The following SEPTIN7 variants were observed in gnomAD, a reference collection of about 807,000 sequenced individuals.
SEPTIN7 encodes the protein septin 7, also known as septin-7.
A neutral mutation model predicts 63.3 loss-of-function variants in SEPTIN7; 10 were observed. That is an observed-to-expected ratio of 0.16 (90% CI 0.10 to 0.27). The LOEUF (loss-of-function observed/expected upper bound fraction) is 0.27. Ranked by LOEUF, SEPTIN7 falls within the 10% of genes least tolerant of loss-of-function variation. The pLI, the probability that SEPTIN7 is intolerant of heterozygous loss-of-function variation, is 1.00. For missense variants in SEPTIN7, 310 were observed against 521.0 expected (o/e 0.59, Z 3.94); for synonymous variants, 131 against 165.3 (o/e 0.79, Z 1.59).
chr7:35,908,976 T>C (rs916095708), downstream of SEPTIN7, among the ~76,000 whole-genome samples: 1 of 152,232 alleles, frequency 6.6e-6, no homozygotes, highest in Non-Finnish European at 1.5e-5. Flanking sequence ...GTTCCCTGTG[T>C]CTTGGATAAG....
intron 1 of SEPTIN7, among the ~76,000 whole-genome samples, chr7:35,808,162 T>G (rs1219928243): frequency 6.6e-6 from 1 of 152,084 alleles, no homozygotes; most frequent in Non-Finnish European, 1.5e-5. Flanking sequence ...TATAATCACT[T>G]GGTTCAAAAT....
chr7:35,816,906 A>T (rs1403415113), intron 1 of SEPTIN7, among the ~76,000 whole-genome samples: 1 of 152,110 alleles, frequency 6.6e-6, no homozygotes, highest in African/African-American at 2.4e-5. Flanking sequence ...GTTTTTAATG[A>T]AGTTGTCTTA....
At position 35,885,859 on chromosome 7, in the gene SEPTIN7, C is replaced by T; in HGVS notation, c.852C>T (p.Ile284=). 2 of 1,604,328 alleles carry T rather than the reference C, an allele frequency of 1.2e-6. No individual in the cohort carries two copies. Among genetic ancestry groups the T allele is most frequent in the Non-Finnish European group, 1.7e-6 (2 of 1,173,082 alleles). The change falls in exon 10 of 14, where the codon ATC becomes ATT. Residue 284 remains isoleucine, a synonymous_variant. Coordinates refer to ENST00000350320, the MANE Select transcript of SEPTIN7 (RefSeq NM_001788.6). Reference sequence around the variant, plus strand: ...ATGGTGAACATTGTGATTTTACAATCCTAAGAAATATGTTGATAAGGTAAG... The same window carrying T: ...ATGGTGAACATTGTGATTTTACAATTCTAAGAAATATGTTGATAAGGTAAG... The part of the protein sequence containing the change: ...VENGEHCDFT[I]LRNMLIRTHM...
intron 1 of SEPTIN7, among the ~76,000 whole-genome samples, chr7:35,821,651 A>C (rs1391232167): frequency 6.6e-6 from 1 of 152,240 alleles, no homozygotes; most frequent in Admixed American, 6.5e-5. Context: ...TAAAAACTTC[A>C]GTTTTTGGTC....
intron 4 of SEPTIN7, among the ~76,000 whole-genome samples, chr7:35,866,860 G>C (rs1742832383): frequency 6.6e-6 from 1 of 152,172 alleles, no homozygotes; most frequent in South Asian, 2.1e-4. Context: ...AAACTTGAGC[G>C]CACATCACAA....
chr7:35,881,105 T>C (rs941521035), intron 7 of SEPTIN7, among the ~76,000 whole-genome samples: 7 of 152,114 alleles, frequency 4.6e-5, no homozygotes, highest in Non-Finnish European at 8.8e-5. Context: ...CCTTGAAACC[T>C]GTTATAAAAA....
intron 10 of SEPTIN7, among the ~76,000 whole-genome samples, chr7:35,887,852 C>T (rs1207612774): frequency 3.3e-5 from 5 of 152,114 alleles, no homozygotes; most frequent in African/African-American, 1.2e-4. Flanking sequence ...AAGACAAAGC[C>T]ATCTAGTGGA....
At chr7:35,882,323 C>T (rs191015474) in intron 7 of SEPTIN7, among the ~76,000 whole-genome samples, 161 bp from the exon 8 acceptor site, 5 of 150,104 alleles carry the variant, frequency 3.3e-5, no homozygotes, top group East Asian at 1.9e-4. Flanking sequence ...AAAAGACTAG[C>T]GTAGTACTTT....
rs1464582725 is a variant in SEPTIN7, at chr7:35,906,719, TA to T, written c.*2428del. ...GTTTATTTCTGTGTAGCTCAGGCTG[TA>T]ATCTTGAAAGCTGAGGAGATACCCA... On this transcript the variant is annotated 3_prime_UTR_variant, in exon 14 of 14. Transcript: ENST00000350320. 1 of 152,242 alleles carries T rather than the reference TA, an allele frequency of 6.6e-6. No homozygotes were observed. Among genetic ancestry groups the T allele is most frequent in the African/African-American group, 2.4e-5 (1 of 41,462 alleles). 9.4% of individuals were successfully genotyped at this position (152,242 alleles called of 1,614,324 possible). A position where few individuals can be genotyped will look rare whatever the true frequency, so the allele number is the denominator to read the frequency against.
At chr7:35,867,680 T>G (rs1348852348) in intron 4 of SEPTIN7, among the ~76,000 whole-genome samples, 5 of 152,218 alleles carry the variant, frequency 3.3e-5, no homozygotes, top group Non-Finnish European at 7.3e-5. Context: ...TCATACTTCA[T>G]GTCACTGAAA....
rs1787072615 is a variant in SEPTIN7, at chr7:35,884,080, T to G, written c.820+93T>G. Reference sequence around the variant, plus strand: ...TAAGTAGTACAGTATGCACACTGTATTGATATAGTCTAGATTTTCAAGGAT... The same window carrying G: ...TAAGTAGTACAGTATGCACACTGTAGTGATATAGTCTAGATTTTCAAGGAT... On this transcript the variant is annotated intron_variant, in intron 9 of 13. Coordinates refer to ENST00000350320, the MANE Select transcript of SEPTIN7 (RefSeq NM_001788.6). 4 of 683,824 alleles carry G rather than the reference T, an allele frequency of 5.8e-6. No individual in the cohort carries two copies. In the South Asian group the frequency reaches 7.7e-5, roughly 13 times the overall value. The allele number at this position is 683,824 out of a possible 1,614,324, so 42.4% of individuals were successfully genotyped here. A position where few individuals can be genotyped will look rare whatever the true frequency, so the allele number is the denominator to read the frequency against.
chr7:35,896,579 C>T (rs1356252306), intron 11 of SEPTIN7, among the ~76,000 whole-genome samples: 1 of 152,058 alleles, frequency 6.6e-6, no homozygotes, highest in Non-Finnish European at 1.5e-5. Flanking sequence ...AAAACACCTG[C>T]CATTAATATG....
chr7:35,879,749 T>A, intron 6 of SEPTIN7, 74 bp from the exon 7 acceptor site: 1 of 809,892 alleles, frequency 1.2e-6, no homozygotes, highest in South Asian at 1.5e-5. Flanking sequence ...TGTATTTAAC[T>A]AGCATTGGGG....
At position 35,809,599 on chromosome 7, in the gene SEPTIN7, C is replaced by G. The variant is rs1020140072; in HGVS notation, c.61+8329C>G. Among the ~76,000 whole-genome samples the G allele has an allele frequency of 3.9e-5, 6 of 152,246 alleles. No individual in the cohort carries two copies. The East Asian group carries it at 5.8e-4, about 15-fold the overall frequency. On this transcript the variant is annotated intron_variant, in intron 1 of 13. Transcript: ENST00000350320. ...TACAGTGAAAGTTCAAAGCAGGATACCTTTTCCATGCTGGAGAAGGTGAAT... is the reference window on the plus strand; with the variant it reads ...TACAGTGAAAGTTCAAAGCAGGATAGCTTTTCCATGCTGGAGAAGGTGAAT...
chr7:35,845,815 A>AT (rs568396538), intron 3 of SEPTIN7, among the ~76,000 whole-genome samples: 4 of 151,998 alleles, frequency 2.6e-5, no homozygotes, highest in Admixed American at 6.5e-5. Flanking sequence ...TTAGGAATTG[A>AT]TTTTTTTTAA....
intron 3 of SEPTIN7, among the ~76,000 whole-genome samples, chr7:35,855,701 C>T (rs1430955836): frequency 6.6e-6 from 1 of 152,070 alleles, no homozygotes; most frequent in Non-Finnish European, 1.5e-5. Context: ...AATTTCACTA[C>T]AGAGAATTCA....
At chr7:35,824,958 A>C (rs1224527647) in intron 1 of SEPTIN7, among the ~76,000 whole-genome samples, 2 of 152,174 alleles carry the variant, frequency 1.3e-5, no homozygotes, top group African/African-American at 2.4e-5. Flanking sequence ...GACTAGCTAC[A>C]TTTCGAGTAC....
intron 1 of SEPTIN7, among the ~76,000 whole-genome samples, chr7:35,813,698 T>G (rs1562737626): frequency 6.6e-6 from 1 of 152,158 alleles, no homozygotes; most frequent in Non-Finnish European, 1.5e-5. Flanking sequence ...TTGCTTCTGG[T>G]TATGGTGTTT....
In SEPTIN7 at chr7:35,906,251, C is replaced by T. The variant is rs1788603550; in HGVS notation, c.*1958C>T. Reference sequence around the variant, plus strand: ...GTAAGACATTCATTATTCTACCATCCTAATGAAAACTTTCAGAAGTCTTTC... The same window carrying T: ...GTAAGACATTCATTATTCTACCATCTTAATGAAAACTTTCAGAAGTCTTTC... On this transcript the variant is annotated 3_prime_UTR_variant, in exon 14 of 14. Transcript: ENST00000350320. The T allele has an allele frequency of 6.6e-6, 1 of 152,182 alleles. No individual in the cohort carries two copies. The highest frequency in any genetic ancestry group is 1.5e-5 in the Non-Finnish European group (1 of 68,016). 9.4% of individuals were successfully genotyped at this position (152,182 alleles called of 1,614,324 possible).
Sources: gnomAD v4.1 joint callset for allele counts (sites outside exome capture counted in the v4.1 genomes callset) on GRCh38, gnomAD v4.1.1 for gene constraint, MANE v1.5 for transcripts, NCBI Gene and HGNC (gene_info 2026-07-23, HGNC 2026-07-21) for gene names.